The following ARHGEF10 variants were observed in gnomAD, a reference collection of about 807,000 sequenced individuals.
ARHGEF10 encodes Rho guanine nucleotide exchange factor 10.
A neutral mutation model predicts 147.4 loss-of-function variants in ARHGEF10; 140 were observed. That is an observed-to-expected ratio of 0.95 (90% CI 0.83 to 1.09). The LOEUF is 1.09. Among genes scored for constraint, ARHGEF10 ranks in the 50% least tolerant of loss-of-function variants. The probability of loss-of-function intolerance (pLI) is 0.00; values close to 1 mark genes in which losing one functional copy is unlikely to be tolerated. For synonymous variants in ARHGEF10, 902 were observed against 695.8 expected (o/e 1.30, Z -4.67); for missense variants, 2,222 against 1,752.7 (o/e 1.27, Z -4.78).
At chr8:1,888,247 G>A (rs1808940679) in intron 11 of ARHGEF10, among the ~76,000 whole-genome samples, 7 of 71,024 alleles carry the variant, frequency 9.9e-5, no homozygotes, top group Admixed American at 9.3e-4. Context: ...TGTGGTGAGG[G>A]TTGCGAGGAG....
chr8:1,927,010 C>G (rs1445413198), intron 23 of ARHGEF10: 1 of 200,060 alleles, frequency 5.0e-6, no homozygotes, highest in East Asian at 1.4e-4. Context: ...CAGGGCTCCA[C>G]TGTGCTTTTC....
At chr8:1,880,873 G>A (rs891721957) in intron 9 of ARHGEF10, among the ~76,000 whole-genome samples, 8 of 152,172 alleles carry the variant, frequency 5.3e-5, no homozygotes, top group Non-Finnish European at 7.3e-5. Flanking sequence ...TGGAGCAGCC[G>A]GCTCATCCGC....
At chr8:1,900,490 A>G (rs1810365616) in intron 15 of ARHGEF10, among the ~76,000 whole-genome samples, 1 of 152,154 alleles carries the variant, frequency 6.6e-6, no homozygotes, top group Admixed American at 6.5e-5. Flanking sequence ...CTAGCCACAA[A>G]TCTAGTACAC....
intron 7 of ARHGEF10, 178 bp downstream of exon 7, chr8:1,869,428 G>C: frequency 1.4e-6 from 1 of 710,608 alleles, no homozygotes. Flanking sequence ...ACATATGTGT[G>C]TGTGCTTATA....
At position 1,957,150 on chromosome 8, in the gene ARHGEF10, G is replaced by A. The variant is rs1431766196; in HGVS notation, c.3922G>A (p.Val1308Met). 3 of 1,612,760 alleles carry A rather than the reference G, an allele frequency of 1.9e-6. No individual in the cohort carries two copies. Among genetic ancestry groups the A allele is most frequent in the South Asian group, 2.2e-5 (2 of 91,086 alleles). ...GAAAGCCAAGGCCAGCTCGGCGCTG[G>A]TGGTCTGTGGAGGGCAGGGCCACCG... Reference protein sequence around the residue: ...AKKAKASSALVVCGGQGHRRV... With the variant: ...AKKAKASSALMVCGGQGHRRV... The change falls in exon 29 of 29, where the codon GTG becomes ATG. Residue 1308 changes from valine (V) to methionine (M), a missense_variant. Physicochemically the swap from Val to Met is conservative, Grantham distance 21. Coordinates refer to ENST00000349830, the MANE Select transcript of ARHGEF10 (RefSeq NM_014629.4).
intron 18 of ARHGEF10, among the ~76,000 whole-genome samples, chr8:1,912,113 A>C (rs547956266): frequency 1.3e-5 from 2 of 152,278 alleles, no homozygotes; most frequent in South Asian, 4.1e-4. Flanking sequence ...GCAGCGTGGT[A>C]ACCACCTGAG....
chr8:1,934,196 T>C (rs367838986), intron 26 of ARHGEF10, among the ~76,000 whole-genome samples: 5 of 151,912 alleles, frequency 3.3e-5, no homozygotes, highest in East Asian at 1.9e-4. Flanking sequence ...GGTAGGGCAG[T>C]GCGCACCTGT....
At chr8:1,945,906 G>GGAGGAGCCGCGTGCTGA (rs1563325630) in intron 27 of ARHGEF10, 2 of 672,616 alleles carry the variant, frequency 3.0e-6, no homozygotes, top group Non-Finnish European at 5.1e-6. Flanking sequence ...CCGCGTGCTG[G>GGAGGAGCCGCGTGCTGA]GAGGAGCCGC....
chr8:1,925,513 G>C, intron 22 of ARHGEF10, 109 bp downstream of exon 22: 1 of 1,459,210 alleles, frequency 6.9e-7, no homozygotes, highest in Non-Finnish European at 9.3e-7. Flanking sequence ...GGTCCTCCCA[G>C]GTTCACCACA....
chr8:1,894,030 C>T lies in ARHGEF10; in HGVS notation c.1261-363C>T, dbSNP rs1471862734. ...CTCTACTAAAATACAAAATATTAGC[C>T]GGGTGTGGCGGTATGTGCCTATGGT... On this transcript the variant is annotated intron_variant, in intron 12 of 28. Transcript: ENST00000349830. 4.6e-5 allele frequency among the ~76,000 whole-genome samples: 7 copies of T among 151,936 alleles called. No individual in the cohort carries two copies. The East Asian group carries it at 7.8e-4, about 17-fold the overall frequency.
chr8:1,910,431 T>C (rs557986216), intron 18 of ARHGEF10, among the ~76,000 whole-genome samples: 4 of 152,238 alleles, frequency 2.6e-5, no homozygotes, highest in Non-Finnish European at 5.9e-5. Flanking sequence ...ATCTGCCTAG[T>C]AGGCTAATTC....
At chr8:1,867,947 G>A (rs1346834473) in intron 6 of ARHGEF10, among the ~76,000 whole-genome samples, 3 of 152,156 alleles carry the variant, frequency 2.0e-5, no homozygotes, top group South Asian at 2.1e-4. Context: ...AAGCAGGATC[G>A]TTACAGGATT....
At chr8:1,857,307 G>A (rs1052084544) in intron 2 of ARHGEF10, among the ~76,000 whole-genome samples, 3 of 152,136 alleles carry the variant, frequency 2.0e-5, no homozygotes, top group African/African-American at 7.2e-5. Flanking sequence ...TAAAGTGGAT[G>A]ATACTGAATT....
intron 15 of ARHGEF10, among the ~76,000 whole-genome samples, chr8:1,900,346 C>G (rs1294912161): frequency 6.6e-6 from 1 of 152,142 alleles, no homozygotes; most frequent in Non-Finnish European, 1.5e-5. Context: ...TTCAGCCGTC[C>G]TGGGGAGGTC....
intron 18 of ARHGEF10, among the ~76,000 whole-genome samples, chr8:1,917,532 A>G (rs1811849737): frequency 6.6e-6 from 1 of 152,144 alleles, no homozygotes; most frequent in Admixed American, 6.5e-5. Context: ...TGCCGCACAA[A>G]TTCTGTTTCA....
At chr8:1,925,490 GTGGTCAGAACA>G in intron 22 of ARHGEF10, 86 bp downstream of exon 22, 2 of 1,569,410 alleles carry the variant, frequency 1.3e-6, no homozygotes, top group East Asian at 4.6e-5. Context: ...CTTAAGGGGC[GTGGTCAGAACA>G]TGGTCCTCCC....
intron 1 of ARHGEF10, among the ~76,000 whole-genome samples, chr8:1,825,465 TGCACCCCAGCTGTCCCTC>T (rs1047131293): frequency 4.3e-5 from 4 of 94,068 alleles, no homozygotes; most frequent in Non-Finnish European, 8.4e-5. Flanking sequence ...CTGTTTACCC[TGCACCCCAGCTGTCCCTC>T]GCACCCCAGC....
chr8:1,909,047 G>A (rs553538606), intron 17 of ARHGEF10, among the ~76,000 whole-genome samples: 2 of 152,286 alleles, frequency 1.3e-5, no homozygotes, highest in South Asian at 2.1e-4. Context: ...GGAAAACCTC[G>A]GAGCTTCCGG....
chr8:1,832,942 GC>G (rs1803290597), intron 1 of ARHGEF10, among the ~76,000 whole-genome samples: 3 of 24,630 alleles, frequency 1.2e-4, no homozygotes, highest in African/African-American at 1.7e-4. Flanking sequence ...AGAGACAGAA[GC>G]AGAGACAGAG....
Sources: gnomAD v4.1 joint callset for allele counts (sites outside exome capture counted in the v4.1 genomes callset) on GRCh38, gnomAD v4.1.1 for gene constraint, MANE v1.5 for transcripts, NCBI Gene and HGNC (gene_info 2026-07-23, HGNC 2026-07-21) for gene names.